The following AOAH variants were observed in gnomAD, a reference collection of about 807,000 sequenced individuals.
AOAH encodes acyloxyacyl hydrolase, also known as acyloxyacyl hydrolase (neutrophil).
Under a neutral mutation model 92.2 loss-of-function variants are expected in AOAH, and 64 were observed. That is an observed-to-expected ratio of 0.69 (90% CI 0.57 to 0.86). The LOEUF is 0.86. AOAH is among the 40% of genes least tolerant of loss of function. The probability of loss-of-function intolerance (pLI) is 0.00; values close to 1 mark genes in which losing one functional copy is unlikely to be tolerated. For synonymous variants in AOAH, 263 were observed against 254.5 expected (o/e 1.03, Z -0.32); for missense variants, 656 against 694.6 (o/e 0.94, Z 0.62).
intron 1 of AOAH, among the ~76,000 whole-genome samples, chr7:36,708,556 T>C (rs1044178660): frequency 3.3e-5 from 5 of 152,198 alleles, no homozygotes; most frequent in African/African-American, 1.2e-4. Context: ...TCCCTTTCTA[T>C]TGACTGCTTT....
chr7:36,690,196 C>A (rs986560763), intron 1 of AOAH: 11 of 438,608 alleles, frequency 2.5e-5, no homozygotes, highest in African/African-American at 9.2e-5. Flanking sequence ...ATTGGAAAAT[C>A]ATTAGCTAGA....
intron 4 of AOAH, 48 bp from the exon 5 acceptor site, chr7:36,637,958 C>T: frequency 7.0e-7 from 1 of 1,432,984 alleles, no homozygotes; most frequent in Non-Finnish European, 9.8e-7. Flanking sequence ...TTTATCTTTT[C>T]TTCCTACATC....
chr7:36,552,788 T>C (rs1001860815), intron 13 of AOAH, among the ~76,000 whole-genome samples: 5 of 152,176 alleles, frequency 3.3e-5, no homozygotes, highest in African/African-American at 9.7e-5. Context: ...TGAGTATCCA[T>C]TGTTTAGCTC....
At chr7:36,557,170 G>A (rs898436134) in intron 13 of AOAH, among the ~76,000 whole-genome samples, 3 of 152,080 alleles carry the variant, frequency 2.0e-5, no homozygotes, top group African/African-American at 4.8e-5. Flanking sequence ...GCTCTTTTAG[G>A]GCAGGCCTGG....
chr7:36,583,881 C>T (rs1412287825), intron 12 of AOAH, among the ~76,000 whole-genome samples: 1 of 152,136 alleles, frequency 6.6e-6, no homozygotes, highest in African/African-American at 2.4e-5. Flanking sequence ...TTAGGGTGAA[C>T]ATTAAACTGT....
intron 4 of AOAH, among the ~76,000 whole-genome samples, chr7:36,647,759 T>A (rs1401320614): frequency 6.6e-6 from 1 of 151,858 alleles, no homozygotes; most frequent in Non-Finnish European, 1.5e-5. Context: ...TCATGTGAAA[T>A]GCTTGGAGAA....
At chr7:36,543,244 A>T (rs1249433898) in intron 15 of AOAH, among the ~76,000 whole-genome samples, 1 of 152,202 alleles carries the variant, frequency 6.6e-6, no homozygotes, top group Non-Finnish European at 1.5e-5. Flanking sequence ...TACCTACTAG[A>T]GCAGAAGCGT....
intron 4 of AOAH, among the ~76,000 whole-genome samples, chr7:36,648,477 T>C (rs1055127175): frequency 2.6e-5 from 4 of 152,164 alleles, no homozygotes; most frequent in African/African-American, 9.7e-5. Context: ...TAATTCATTG[T>C]GTGGCATATT....
chr7:36,637,466 T>C (rs779409889), intron 5 of AOAH, among the ~76,000 whole-genome samples: 2 of 152,006 alleles, frequency 1.3e-5, no homozygotes, highest in Non-Finnish European at 2.9e-5. Context: ...TGGGGGTGAT[T>C]TTGCCTTCCA....
intron 16 of AOAH, 39 bp from the exon 17 acceptor site, chr7:36,532,383 G>A (rs1333788890): frequency 6.2e-7 from 1 of 1,600,420 alleles, no homozygotes; most frequent in Admixed American, 1.7e-5. Flanking sequence ...CATCCACTCG[G>A]CAATAGCAGC....
chr7:36,689,727 T>C (rs4077338), intron 1 of AOAH, among the ~76,000 whole-genome samples: 83,363 of 151,644 alleles, frequency 0.55, 23,135 homozygotes, highest in East Asian at 0.65. Flanking sequence ...CTCGGTGGCC[T>C]GAAACAGCCT....
rs1224716090 is a variant in AOAH, at chr7:36,648,570, C to A, written c.390+10596G>T. Reference sequence around the variant, plus strand: ...TTACTAGTCAGATGTATTAGTATTTCCCTTTGTGACTTTTCAATCACAAAT... The same window carrying A: ...TTACTAGTCAGATGTATTAGTATTTACCTTTGTGACTTTTCAATCACAAAT... On this transcript the variant is annotated intron_variant, in intron 4 of 20. Transcript: ENST00000617537. 2.0e-5 allele frequency among the ~76,000 whole-genome samples: 3 copies of A among 150,486 alleles called. No individual in the cohort carries two copies. The East Asian group carries it at 5.8e-4, about 29-fold the overall frequency.
At chr7:36,723,736 C>T (rs1294730889) in intron 1 of AOAH, among the ~76,000 whole-genome samples, 1 of 152,040 alleles carries the variant, frequency 6.6e-6, no homozygotes, top group African/African-American at 2.4e-5. Context: ...ACTAAAATAG[C>T]CTGAAATAAT....
At chr7:36,515,690 C>CAT (rs1562851743) in intron 20 of AOAH, among the ~76,000 whole-genome samples, 2 of 118,928 alleles carry the variant, frequency 1.7e-5, no homozygotes, top group African/African-American at 3.7e-5. Context: ...ACACCACACA[C>CAT]ACATAATCAC....
intron 3 of AOAH, among the ~76,000 whole-genome samples, chr7:36,663,377 T>C (rs1795334901): frequency 6.6e-6 from 1 of 152,216 alleles, no homozygotes; most frequent in African/African-American, 2.4e-5. Context: ...CTCTATGGGT[T>C]TGGACAAATG....
intron 16 of AOAH, among the ~76,000 whole-genome samples, chr7:36,535,012 G>GTGTC (rs1554280868): frequency 1.0e-4 from 7 of 69,816 alleles, no homozygotes; most frequent in African/African-American, 1.5e-4. Context: ...GTGTATCTGT[G>GTGTC]TGTGTCTGTG....
At chr7:36,543,331 A>G (rs1363602034) in intron 15 of AOAH, among the ~76,000 whole-genome samples, 1 of 152,196 alleles carries the variant, frequency 6.6e-6, no homozygotes, top group African/African-American at 2.4e-5. Context: ...TAGGTTCTAT[A>G]TTCACTGTGT....
At chr7:36,642,035 T>C (rs752110171) in intron 4 of AOAH, among the ~76,000 whole-genome samples, 3 of 152,138 alleles carry the variant, frequency 2.0e-5, no homozygotes, top group Admixed American at 6.5e-5. Context: ...TACTGACTGC[T>C]ATTATGGGTT....
chr7:36,613,240 G>A (rs1181147891), intron 11 of AOAH, among the ~76,000 whole-genome samples: 3 of 152,160 alleles, frequency 2.0e-5, no homozygotes, highest in Non-Finnish European at 4.4e-5. Flanking sequence ...TAGAGAGGCT[G>A]TTCCGCTTTT....
Sources: allele counts gnomAD v4.1 joint callset (sites outside exome capture counted in the v4.1 genomes callset), GRCh38; gene constraint gnomAD v4.1.1; transcripts MANE v1.5; gene names NCBI Gene and HGNC (gene_info 2026-07-23, HGNC 2026-07-21).